The following GAN variants were observed in gnomAD, a reference collection of about 807,000 sequenced individuals.
GAN encodes the protein gigaxonin.
In GAN, 48 loss-of-function variants were observed where a neutral mutation model predicts 71.3. The observed-to-expected ratio is 0.67, with a 90% CI of 0.53 to 0.86. The LOEUF (loss-of-function observed/expected upper bound fraction) is 0.86. GAN is among the 40% of genes least tolerant of loss of function. The pLI, the probability that GAN is intolerant of heterozygous loss-of-function variation, is 0.00. For missense variants in GAN, 928 were observed against 770.1 expected, an observed-to-expected ratio of 1.21 and a Z score of -2.43; for synonymous variants, 386 against 276.8, an observed-to-expected ratio of 1.39 and a Z score of -3.92.
Position 81,377,711 on chromosome 16 carries a change from AC to A in GAN, c.*116del, listed in dbSNP as rs1407082750. 2 of 958,552 alleles carry A rather than the reference AC, an allele frequency of 2.1e-6. No homozygotes were observed. Among genetic ancestry groups the A allele is most frequent in the Non-Finnish European group, 3.4e-6 (2 of 588,236 alleles). The allele number at this position is 958,552 out of a possible 1,614,324, so 59.4% of individuals were successfully genotyped here. A position where few individuals can be genotyped will look rare whatever the true frequency, so the allele number is the denominator to read the frequency against. On this transcript the variant is annotated 3_prime_UTR_variant, in exon 11 of 11. Coordinates refer to ENST00000648994, the MANE Select transcript of GAN (RefSeq NM_022041.4). ...CTCTGTGCTGGGCTTTGGTATGGTA[AC>A]TCTTTGGTGGTTTTATGATGCTTAC... is the stretch of plus-strand genomic sequence containing the variant.
chr16:81,320,939 A>G (rs1401717671), intron 1 of GAN, among the ~76,000 whole-genome samples: 1 of 151,520 alleles, frequency 6.6e-6, no homozygotes, highest in African/African-American at 2.4e-5. Context: ...CTTTTTTGTA[A>G]TCACAACCTT....
In GAN at chr16:81,356,005, C is replaced by G. The variant is rs182584447; in HGVS notation, c.634-780C>G. On this transcript the variant is annotated intron_variant, in intron 3 of 10. Transcript: ENST00000648994. ...AAAATTTCCTATGTGCTCCCACTCACCAAGACCACAGTGGGACATGCTGCT... is the reference window on the plus strand; with the variant it reads ...AAAATTTCCTATGTGCTCCCACTCAGCAAGACCACAGTGGGACATGCTGCT... Among the ~76,000 whole-genome samples the G allele has an allele frequency of 1.5e-3, 231 of 152,298 alleles. 1 individual carries two copies. The highest frequency in any genetic ancestry group is 2.5e-3 in the Non-Finnish European group (172 of 68,032).
intron 3 of GAN, among the ~76,000 whole-genome samples, chr16:81,355,760 C>CA (rs1454834547): frequency 9.9e-5 from 15 of 152,180 alleles, no homozygotes; most frequent in African/African-American, 3.1e-4. Context: ...GAGTGGATCT[C>CA]ACAATGTATA....
intron 2 of GAN, 35 bp from the exon 3 acceptor site, chr16:81,354,370 C>A (rs762920457): frequency 7.5e-7 from 1 of 1,338,538 alleles, no homozygotes; most frequent in African/African-American, 1.4e-5. Flanking sequence ...TAAATGTACA[C>A]ATTCAAATAT....
chr16:81,355,458 T>A (rs1910455999), intron 3 of GAN, among the ~76,000 whole-genome samples: 1 of 152,160 alleles, frequency 6.6e-6, no homozygotes, highest in African/African-American at 2.4e-5. Context: ...CCAACCTTCC[T>A]GGCTGAAGTG....
At chr16:81,325,100 G>A (rs1195945362) in intron 1 of GAN, among the ~76,000 whole-genome samples, 4 of 152,214 alleles carry the variant, frequency 2.6e-5, no homozygotes, top group African/African-American at 4.8e-5. Flanking sequence ...CTTCTTCATC[G>A]TCACCAACAG....
At chr16:81,365,534 G>T in intron 9 of GAN, 56 bp downstream of exon 9, 2 of 1,548,602 alleles carry the variant, frequency 1.3e-6, no homozygotes, top group South Asian at 1.1e-5. Flanking sequence ...GCTTTCAGTC[G>T]TATTTTAGCT....
In GAN at chr16:81,358,181, T is replaced by C. The variant is rs578248361; in HGVS notation, c.973+250T>C. ...GAGAAGCAGTTACTTGATGACTTAATGTCAGGAGAGCAAACTTCAGTGATG... is the reference window on the plus strand; with the variant it reads ...GAGAAGCAGTTACTTGATGACTTAACGTCAGGAGAGCAAACTTCAGTGATG... On this transcript the variant is annotated intron_variant, in intron 5 of 10. Coordinates refer to ENST00000648994, the MANE Select transcript of GAN (RefSeq NM_022041.4). Among the ~76,000 whole-genome samples, 33 of 152,346 alleles carry C rather than the reference T, an allele frequency of 2.2e-4. No homozygotes were observed. In the South Asian group the frequency reaches 6.8e-3, roughly 32 times the overall value.
rs1204606713 is a variant in GAN at position 81,379,352 on chromosome 16, C to G, written c.*1756C>G. The stretch of plus-strand genomic sequence containing the variant: ...GAGTGTTGAGTGTGGTACATTAACT[C>G]TCCATTTTAGCCAGAAGATACCTGA... On this transcript the variant is annotated 3_prime_UTR_variant, in exon 11 of 11. Coordinates refer to ENST00000648994, the MANE Select transcript of GAN (RefSeq NM_022041.4). 6.6e-6 allele frequency: 1 copy of G among 152,154 alleles called. No individual in the cohort carries two copies. Among genetic ancestry groups the G allele is most frequent in the Non-Finnish European group, 1.5e-5 (1 of 68,040 alleles). The allele number at this position is 152,154 out of a possible 1,614,324, so 9.4% of individuals were successfully genotyped here. A position where few individuals can be genotyped will look rare whatever the true frequency, so the allele number is the denominator to read the frequency against.
intron 9 of GAN, among the ~76,000 whole-genome samples, chr16:81,368,178 T>TCTG (rs1910921980): frequency 2.6e-5 from 4 of 152,228 alleles, no homozygotes; most frequent in South Asian, 2.1e-4. Flanking sequence ...GCAAAGAAAT[T>TCTG]GCCATAAAGT....
chr16:81,347,746 A>G (rs565990650), intron 1 of GAN, among the ~76,000 whole-genome samples: 27 of 152,328 alleles, frequency 1.8e-4, no homozygotes, highest in African/African-American at 5.5e-4. Context: ...ATTTACAAGT[A>G]TGAAGCCATT....
At chr16:81,340,223 G>A (rs4888145) in intron 1 of GAN, among the ~76,000 whole-genome samples, 61,051 of 151,950 alleles carry the variant, frequency 0.4, 13,067 homozygotes, top group Middle Eastern at 0.52. Context: ...ACAGGCGTGA[G>A]CCACTGTGCC....
intron 4 of GAN, 128 bp downstream of exon 4, chr16:81,357,130 A>C: frequency 1.4e-6 from 1 of 732,392 alleles, no homozygotes; most frequent in Non-Finnish European, 2.5e-6. Context: ...TTATACTTTA[A>C]GTTTTAGGGT....
intron 1 of GAN, among the ~76,000 whole-genome samples, chr16:81,330,695 G>T (rs1224858360): frequency 6.6e-6 from 1 of 152,198 alleles, no homozygotes; most frequent in Non-Finnish European, 1.5e-5. Context: ...GTGAGATTTT[G>T]AGGAGAAAAA....
chr16:81,367,510 C>T (rs913133979), intron 9 of GAN, among the ~76,000 whole-genome samples: 1 of 152,144 alleles, frequency 6.6e-6, no homozygotes, highest in Non-Finnish European at 1.5e-5. Context: ...GCCTGGGCAA[C>T]AAAGCGAGAC....
chr16:81,350,916 C>T (rs1910279768), intron 1 of GAN, among the ~76,000 whole-genome samples: 2 of 152,160 alleles, frequency 1.3e-5, no homozygotes, highest in Admixed American at 6.5e-5. Context: ...CCCAGATGCC[C>T]ATCAACAGGA....
chr16:81,354,842 T>G (rs1036772230), intron 3 of GAN, 87 bp downstream of exon 3: 11 of 777,432 alleles, frequency 1.4e-5, no homozygotes, highest in Non-Finnish European at 2.4e-5. Context: ...TTCTTCATCA[T>G]GAAAGACTTA....
intron 9 of GAN, among the ~76,000 whole-genome samples, chr16:81,365,786 AC>A (rs1490514228): frequency 6.6e-6 from 1 of 152,032 alleles, no homozygotes; most frequent in Non-Finnish European, 1.5e-5. Context: ...ATGGTGGCTC[AC>A]ACCTGTAGTC....
chr16:81,363,783 T>C lies in GAN; in HGVS notation c.1087-11T>C. The C allele has an allele frequency of 1.9e-6, 3 of 1,612,668 alleles. No individual in the cohort carries two copies. The highest frequency in any genetic ancestry group is 2.5e-6 in the Non-Finnish European group (3 of 1,178,670). On this transcript the variant is annotated splice_polypyrimidine_tract_variant and intron_variant, in intron 6 of 10. Coordinates refer to ENST00000648994, the MANE Select transcript of GAN (RefSeq NM_022041.4). ...GCCTTGTGTGTTCAGGGATCGCTAA[T>C]GTAATTTCAGGCAAGACATAACTTC...
Sources: allele counts gnomAD v4.1 joint callset (sites outside exome capture counted in the v4.1 genomes callset), GRCh38; gene constraint gnomAD v4.1.1; transcripts MANE v1.5; gene names NCBI Gene and HGNC (gene_info 2026-07-23, HGNC 2026-07-21).